Variants in ZFAT observed in about 807,000 individuals in gnomAD.
ZFAT encodes the protein zinc finger protein ZFAT.
Under a neutral mutation model 117.7 loss-of-function variants are expected in ZFAT, and 64 were observed. That is an observed-to-expected ratio of 0.54 (90% CI 0.44 to 0.67). ZFAT has a LOEUF of 0.67. Ranked by LOEUF, ZFAT falls within the 30% of genes least tolerant of loss-of-function variation. The probability of loss-of-function intolerance (pLI) is 0.00; values close to 1 mark genes in which losing one functional copy is unlikely to be tolerated. For missense variants in ZFAT, 1,433 were observed against 1,584.5 expected (o/e 0.90, Z 1.62); for synonymous variants, 679 against 615.0 (o/e 1.10, Z -1.54).
At chr8:134,664,137 A>T (rs1563742063) in intron 1 of ZFAT, among the ~76,000 whole-genome samples, 1 of 146,834 alleles carries the variant, frequency 6.8e-6, no homozygotes, top group East Asian at 2.0e-4. Context: ...TCTACCCCCC[A>T]CTCCACCCCT....
chr8:134,825,871 A>T, the ZFAT span, among the ~76,000 whole-genome samples: 1 of 152,092 alleles, frequency 6.6e-6, no homozygotes, highest in African/African-American at 2.4e-5. Context: ...ATACAAAAAA[A>T]TTAGCCGGGC....
chr8:134,588,816 G>A (rs1826247913), intron 8 of ZFAT, among the ~76,000 whole-genome samples: 1 of 152,190 alleles, frequency 6.6e-6, no homozygotes, highest in South Asian at 2.1e-4. Context: ...GAAAAATCTT[G>A]GGGAAATTGG....
intron 11 of ZFAT, among the ~76,000 whole-genome samples, chr8:134,543,524 T>C (rs1822442226): frequency 6.6e-6 from 1 of 152,274 alleles, no homozygotes. Context: ...CAGGAGGCTG[T>C]TCCTGCCCCT....
At chr8:134,613,094 C>T (rs539733384) in intron 3 of ZFAT, among the ~76,000 whole-genome samples, 1 of 152,070 alleles carries the variant, frequency 6.6e-6, no homozygotes, top group African/African-American at 2.4e-5. Context: ...AAGGTAGAAA[C>T]AACATTTTAC....
At chr8:134,773,124 A>G in the ZFAT span, among the ~76,000 whole-genome samples, 8 of 151,754 alleles carry the variant, frequency 5.3e-5, no homozygotes, top group African/African-American at 1.9e-4. Context: ...AGAAAAAGAA[A>G]AAGAAAAAAG....
At chr8:134,556,264 TA>T (rs1048372190) in intron 11 of ZFAT, among the ~76,000 whole-genome samples, 12 of 151,358 alleles carry the variant, frequency 7.9e-5, no homozygotes, top group African/African-American at 2.9e-4. Flanking sequence ...AACTGAAACA[TA>T]AAAAGAAGAA....
Position 134,650,154 on chromosome 8 carries a change from G to A in ZFAT, c.196+7407C>T, listed in dbSNP as rs945987387. Among the ~76,000 whole-genome samples, 23 of 144,560 alleles carry A rather than the reference G, an allele frequency of 1.6e-4. No homozygotes were observed. The South Asian group carries it at 1.8e-3, about 11-fold the overall frequency. The allele number at this position is 144,560 out of a possible 152,430, so 94.8% of individuals were successfully genotyped here. A position where few individuals can be genotyped will look rare whatever the true frequency, so the allele number is the denominator to read the frequency against. ...TTTTTTTTTTTTGAGACAGAGTCTC[G>A]CTCTGTCACCCAGGCTGGAGTGTAG... is the stretch of plus-strand genomic sequence containing the variant. On this transcript the variant is annotated intron_variant, in intron 2 of 15. Transcript: ENST00000377838.
At chr8:134,683,004 C>T (rs1833144061) in intron 1 of ZFAT, among the ~76,000 whole-genome samples, 1 of 152,198 alleles carries the variant, frequency 6.6e-6, no homozygotes, top group Non-Finnish European at 1.5e-5. Flanking sequence ...GAGAAATGGA[C>T]AAACGCACCC....
chr8:134,824,844 A>G, the ZFAT span, among the ~76,000 whole-genome samples: 1 of 152,244 alleles, frequency 6.6e-6, no homozygotes, highest in South Asian at 2.1e-4. Flanking sequence ...TTCTAACCTA[A>G]AAGTCAGAAT....
At chr8:134,545,968 C>T (rs1586681673) in intron 11 of ZFAT, among the ~76,000 whole-genome samples, 1 of 152,156 alleles carries the variant, frequency 6.6e-6, no homozygotes, top group East Asian at 1.9e-4. Context: ...ACAGAGGCCC[C>T]CTTCACAAGG....
At chr8:134,660,389 G>A (rs926041238) in intron 1 of ZFAT, among the ~76,000 whole-genome samples, 4 of 152,184 alleles carry the variant, frequency 2.6e-5, no homozygotes, top group African/African-American at 9.7e-5. Context: ...ACAGCAAAGA[G>A]CGTAATCCCC....
chr8:134,750,546 TTA>T, the ZFAT span, among the ~76,000 whole-genome samples: 1 of 152,172 alleles, frequency 6.6e-6, no homozygotes, highest in Non-Finnish European at 1.5e-5. Flanking sequence ...AAATAATTAT[TTA>T]TATGTTTTAA....
rs144578756 is a variant in ZFAT, at chr8:134,708,264, G to A, written c.19+4581C>T. On this transcript the variant is annotated intron_variant, in intron 1 of 15. Transcript: ENST00000377838. ...ATCGTTTTTTTCTTTGAGACATATT[G>A]CACAGCATGGTGAATACAGTAATAA... 4.7e-3 allele frequency among the ~76,000 whole-genome samples: 712 copies of A among 151,964 alleles called. 3 individuals carry two copies. Among genetic ancestry groups the A allele is most frequent in the Middle Eastern group, 0.031 (9 of 294 alleles).
chr8:134,823,823 A>G, the ZFAT span, among the ~76,000 whole-genome samples: 244 of 152,360 alleles, frequency 1.6e-3, 2 homozygotes, highest in African/African-American at 5.7e-3. Context: ...AATCTAATAT[A>G]ATTTAAAAAA....
chr8:134,670,608 T>C (rs576338911), intron 1 of ZFAT, among the ~76,000 whole-genome samples: 1 of 152,360 alleles, frequency 6.6e-6, no homozygotes, highest in African/African-American at 2.4e-5. Context: ...AAGCAGTGTG[T>C]ACAGGGAAAT....
intron 11 of ZFAT, among the ~76,000 whole-genome samples, chr8:134,533,811 C>G (rs1330465150): frequency 6.6e-6 from 1 of 152,176 alleles, no homozygotes; most frequent in Non-Finnish European, 1.5e-5. Context: ...CCTGCTGGGC[C>G]CCTGGGGAAG....
At chr8:134,702,951 G>A (rs544999601) in intron 1 of ZFAT, among the ~76,000 whole-genome samples, 5 of 152,208 alleles carry the variant, frequency 3.3e-5, no homozygotes, top group Non-Finnish European at 5.9e-5. Context: ...GATTATAGGC[G>A]TGAGCCACCG....
the ZFAT span, among the ~76,000 whole-genome samples, chr8:134,788,642 G>A: frequency 5.1e-4 from 77 of 152,158 alleles, no homozygotes; most frequent in African/African-American, 1.8e-3. Context: ...GGTAGGGTCC[G>A]GATAGTCTAT....
chr8:134,559,151 T>C (rs1028718951), intron 11 of ZFAT, among the ~76,000 whole-genome samples: 3 of 152,250 alleles, frequency 2.0e-5, no homozygotes, highest in Admixed American at 6.5e-5. Context: ...TTAATTGACA[T>C]GGTTAAAATA....
Sources: allele counts gnomAD v4.1 joint callset (sites outside exome capture counted in the v4.1 genomes callset), GRCh38; gene constraint gnomAD v4.1.1; transcripts MANE v1.5; gene names NCBI Gene and HGNC (gene_info 2026-07-23, HGNC 2026-07-21).